Variants in SPATA18 observed in about 807,000 individuals in gnomAD.
SPATA18 encodes the protein mitochondria-eating protein.
In SPATA18, 54 loss-of-function variants were observed where a neutral mutation model predicts 68.1. The ratio of observed to expected loss-of-function variants is 0.79; its 90% CI spans 0.64 to 0.99. SPATA18 has a LOEUF of 0.99. Among genes scored for constraint, SPATA18 ranks in the 50% least tolerant of loss-of-function variants. The pLI, the probability that SPATA18 is intolerant of heterozygous loss-of-function variation, is 0.00. For synonymous variants in SPATA18, 242 were observed against 244.8 expected (o/e 0.99, Z 0.11); for missense variants, 724 against 681.1 (o/e 1.06, Z -0.70).
chr4:52,084,681 G>A (rs1213248916), intron 10 of SPATA18, among the ~76,000 whole-genome samples: 1 of 152,150 alleles, frequency 6.6e-6, no homozygotes, highest in Non-Finnish European at 1.5e-5. Flanking sequence ...TCAAACACCA[G>A]AATATCCCAA....
chr4:52,052,160 C>A (rs534773120), intron 1 of SPATA18, among the ~76,000 whole-genome samples: 13 of 152,308 alleles, frequency 8.5e-5, no homozygotes, highest in Admixed American at 2.6e-4. Flanking sequence ...CCCTTGCCAG[C>A]GCAATCCACA....
At position 52,069,866 on chromosome 4, in the gene SPATA18, G is replaced by C; in HGVS notation, c.468G>C (p.Ser156=). 1 of 1,597,594 alleles carries C rather than the reference G, an allele frequency of 6.3e-7. No homozygotes were observed. The highest frequency in any genetic ancestry group is 8.5e-7 in the Non-Finnish European group (1 of 1,169,732). ...EKNLEESKNR[S]AISLLAAEEE... is the part of the protein sequence containing the mutation. ...ATCTTGAAGAAAGCAAGAACAGATC[G>C]GCCATATCCCTTTTGGCTGCAGAGG... The change falls in exon 5 of 13, where the codon TCG becomes TCC. Residue 156 remains serine (S), a synonymous_variant. Transcript: ENST00000295213.
intron 6 of SPATA18, among the ~76,000 whole-genome samples, chr4:52,072,727 G>A (rs1307406938): frequency 6.6e-6 from 1 of 152,182 alleles, no homozygotes; most frequent in African/African-American, 2.4e-5. Context: ...TCTTTGGCTT[G>A]AAACCAGATT....
chr4:52,056,959 T>C (rs1738399333), intron 1 of SPATA18, among the ~76,000 whole-genome samples: 1 of 152,200 alleles, frequency 6.6e-6, no homozygotes, highest in African/African-American at 2.4e-5. Context: ...CTGGACCCTG[T>C]ACTCACTTTC....
At chr4:52,073,214 G>A (rs1578174388) in intron 6 of SPATA18, among the ~76,000 whole-genome samples, 1 of 152,118 alleles carries the variant, frequency 6.6e-6, no homozygotes, top group East Asian at 1.9e-4. Flanking sequence ...TTACACCATG[G>A]GAATTGGAAA....
chr4:52,071,217 C>G (rs896475019), intron 5 of SPATA18, among the ~76,000 whole-genome samples: 1 of 152,090 alleles, frequency 6.6e-6, no homozygotes, highest in East Asian at 1.9e-4. Context: ...TTAATCTTAC[C>G]TTTTCATTTT....
chr4:52,082,322 G>A lies in SPATA18; in HGVS notation c.1356-65G>A. ...ATACAAAATGAGAATTCACACTGATGTTTTCCCCTAGATATGCTCCATAAT... is the reference window on the plus strand; with the variant it reads ...ATACAAAATGAGAATTCACACTGATATTTTCCCCTAGATATGCTCCATAAT... On this transcript the variant is annotated intron_variant, in intron 9 of 12. Transcript: ENST00000295213. 3 of 1,453,426 alleles carry A rather than the reference G, an allele frequency of 2.1e-6. No individual in the cohort carries two copies. The Admixed American group carries it at 5.2e-5, about 25-fold the overall frequency. 90.0% of individuals were successfully genotyped at this position (1,453,426 alleles called of 1,614,324 possible).
chr4:52,080,038 T>A, intron 9 of SPATA18, 119 bp downstream of exon 9: 1 of 1,083,838 alleles, frequency 9.2e-7, no homozygotes, highest in Non-Finnish European at 1.3e-6. Flanking sequence ...CACTACCTGA[T>A]TTTCAGGCCC....
In SPATA18 at chr4:52,051,735, A is replaced by G. The variant is rs751240951; in HGVS notation, c.31A>G (p.Asn11Asp). The change falls in exon 1 of 13, where the codon AAC becomes GAC. Residue 11 changes from asparagine to aspartate, a missense_variant. Coordinates refer to ENST00000295213, the MANE Select transcript of SPATA18 (RefSeq NM_145263.4). ...GGAAAACCTGAAAAGACTGGTCTCA[A>G]ACGAAACTTTACGAACGTTGCAGGA... MAENLKRLVS[N>D]ETLRTLQEKL... The G allele has an allele frequency of 8.1e-6, 13 of 1,614,238 alleles. No individual in the cohort carries two copies. The highest frequency in any genetic ancestry group is 1.1e-5 in the Non-Finnish European group (13 of 1,180,048).
chr4:52,093,126 C>T (rs939619658), intron 11 of SPATA18, among the ~76,000 whole-genome samples: 3 of 152,000 alleles, frequency 2.0e-5, no homozygotes, highest in African/African-American at 7.3e-5. Flanking sequence ...TGCAGATGTA[C>T]CCCTAAACTT....
chr4:52,078,837 G>T lies in SPATA18; in HGVS notation c.1123G>T (p.Val375Phe), dbSNP rs1377140407. Residue 375 changes from valine (V) to phenylalanine (F), a missense_variant, in exon 8 of 13, where the codon GTC becomes TTC. Physicochemically the swap from Val to Phe is conservative, Grantham distance 50. Transcript: ENST00000295213. Reference sequence around the variant, plus strand: ...GGGGTCGAATGACTTTGAGAATGCTGTCTTGGATTATGTCATTTGTCATCT... The same window carrying T: ...GGGGTCGAATGACTTTGAGAATGCTTTCTTGGATTATGTCATTTGTCATCT... ...YVGSNDFENAVLDYVICHLDL... is the reference protein window; with the variant it reads ...YVGSNDFENAFLDYVICHLDL... 1 of 1,607,428 alleles carries T rather than the reference G, an allele frequency of 6.2e-7. No homozygotes were observed. The highest frequency in any genetic ancestry group is 1.1e-5 in the South Asian group (1 of 90,614).
Position 52,096,592 on chromosome 4 carries a change from G to A in SPATA18, c.*1705G>A, listed in dbSNP as rs149120814. The A allele has an allele frequency of 1.3e-5, 2 of 152,122 alleles. No individual in the cohort carries two copies. The highest frequency in any genetic ancestry group is 2.4e-5 in the African/African-American group (1 of 41,494). 9.4% of individuals were successfully genotyped at this position (152,122 alleles called of 1,614,324 possible). A position where few individuals can be genotyped will look rare whatever the true frequency, so the allele number is the denominator to read the frequency against. On this transcript the variant is annotated 3_prime_UTR_variant, in exon 13 of 13. Coordinates refer to ENST00000295213, the MANE Select transcript of SPATA18 (RefSeq NM_145263.4). ...AAAATGTATTTCAATAAAAAAGCTT[G>A]GGTATAACCACCCTAGAAGATAAAA...
At chr4:52,088,282 G>A (rs770384742) in intron 11 of SPATA18, among the ~76,000 whole-genome samples, 2 of 151,992 alleles carry the variant, frequency 1.3e-5, no homozygotes, top group Non-Finnish European at 2.9e-5. Flanking sequence ...TTGCCTGATT[G>A]CCCTGGCCAG....
intron 11 of SPATA18, among the ~76,000 whole-genome samples, chr4:52,086,852 C>A (rs1226228631): frequency 6.6e-6 from 1 of 152,204 alleles, no homozygotes; most frequent in East Asian, 1.9e-4. Context: ...CTCTCTTTCA[C>A]AATGGTTGAA....
In SPATA18 at chr4:52,089,603, T is replaced by G. The variant is rs141351728; in HGVS notation, c.1563+4604T>G. On this transcript the variant is annotated intron_variant, in intron 11 of 12. Transcript: ENST00000295213. ...TGTATTTGTGTGCTTTTGAGTGAGT[T>G]TCTTAAACCTGAGTTCTAATTTGAT... is the stretch of plus-strand genomic sequence containing the variant. Among the ~76,000 whole-genome samples the G allele has an allele frequency of 3.0e-3, 454 of 152,334 alleles. 3 individuals are homozygous for G. Among genetic ancestry groups the G allele is most frequent in the African/African-American group, 0.01 (426 of 41,568 alleles).
chr4:52,074,769 A>G (rs1239689461), intron 6 of SPATA18, among the ~76,000 whole-genome samples: 1 of 152,206 alleles, frequency 6.6e-6, no homozygotes, highest in Non-Finnish European at 1.5e-5. Flanking sequence ...CAATGATATT[A>G]TAAGTATGAA....
chr4:52,087,864 A>G (rs1397518021), intron 11 of SPATA18, among the ~76,000 whole-genome samples: 2 of 152,130 alleles, frequency 1.3e-5, no homozygotes, highest in African/African-American at 2.4e-5. Flanking sequence ...TTTGGACAGT[A>G]TGGCCATTTT....
At chr4:52,080,159 C>T (rs912058654) in intron 9 of SPATA18, among the ~76,000 whole-genome samples, 10 of 152,146 alleles carry the variant, frequency 6.6e-5, no homozygotes, top group Non-Finnish European at 2.9e-5. Flanking sequence ...CTATCTAGAA[C>T]ACTTTTTTAA....
At chr4:52,059,493 C>G (rs1416910677) in intron 1 of SPATA18, among the ~76,000 whole-genome samples, 1 of 152,232 alleles carries the variant, frequency 6.6e-6, no homozygotes, top group Non-Finnish European at 1.5e-5. Context: ...AGGTTCACTT[C>G]TTGGCCTCCT....
Sources: gnomAD v4.1 joint callset for allele counts (sites outside exome capture counted in the v4.1 genomes callset) on GRCh38, gnomAD v4.1.1 for gene constraint, MANE v1.5 for transcripts, NCBI Gene and HGNC (gene_info 2026-07-23, HGNC 2026-07-21) for gene names.